TMEM135: variants seen among roughly 807,000 people sequenced by gnomAD.
TMEM135 encodes peroxisomal membrane protein 52.
Under a neutral mutation model 60.3 loss-of-function variants are expected in TMEM135, and 30 were observed. The ratio of observed to expected loss-of-function variants is 0.50; its 90% CI spans 0.37 to 0.68. The LOEUF is 0.68. Among genes scored for constraint, TMEM135 ranks in the 30% least tolerant of loss-of-function variants. The pLI is 0.00. For missense variants in TMEM135, 468 were observed against 548.8 expected, an observed-to-expected ratio of 0.85 and a Z score of 1.47; for synonymous variants, 190 against 186.7, an observed-to-expected ratio of 1.02 and a Z score of -0.14.
At chr11:87,249,388 CATTG>C (rs1342510302) in intron 6 of TMEM135, among the ~76,000 whole-genome samples, 1 of 151,854 alleles carries the variant, frequency 6.6e-6, no homozygotes, top group Admixed American at 6.6e-5. Context: ...TGATGTATCA[CATTG>C]ATTGATTTAT....
At chr11:87,042,679 G>A (rs1268432978) in intron 1 of TMEM135, among the ~76,000 whole-genome samples, 3 of 152,104 alleles carry the variant, frequency 2.0e-5, no homozygotes, top group Non-Finnish European at 2.9e-5. Flanking sequence ...CCTATAAAAT[G>A]GGTCTTATGT....
intron 6 of TMEM135, among the ~76,000 whole-genome samples, chr11:87,245,187 C>CT (rs1941237247): frequency 6.6e-6 from 1 of 151,186 alleles, no homozygotes; most frequent in African/African-American, 2.4e-5. Flanking sequence ...ATCCTGAGTT[C>CT]TAATTTGATT....
intron 10 of TMEM135, among the ~76,000 whole-genome samples, chr11:87,312,243 A>G (rs1942652009): frequency 7.4e-6 from 1 of 134,374 alleles, no homozygotes; most frequent in African/African-American, 2.8e-5. Context: ...TAGCTTCACT[A>G]TTGCCTTATT....
intron 4 of TMEM135, among the ~76,000 whole-genome samples, chr11:87,120,105 T>TCG (rs57083711): frequency 0.33 from 45,812 of 138,876 alleles, 8,343 homozygotes; most frequent in East Asian, 0.61. Flanking sequence ...GTCTGTTTTT[T>TCG]TCTTCTTCTT....
At chr11:87,316,115 G>A (rs912518107) in intron 12 of TMEM135, among the ~76,000 whole-genome samples, 6 of 151,986 alleles carry the variant, frequency 3.9e-5, no homozygotes, top group African/African-American at 1.4e-4. Context: ...GCTAGTTACT[G>A]ATTCTTGGCT....
Position 87,305,892 on chromosome 11 carries a change from C to T in TMEM135, c.699-44C>T, listed in dbSNP as rs1942534071. 7 of 1,471,034 alleles carry T rather than the reference C, an allele frequency of 4.8e-6. No homozygotes were observed. The East Asian group carries it at 1.6e-4, about 34-fold the overall frequency. 91.1% of individuals were successfully genotyped at this position (1,471,034 alleles called of 1,614,324 possible). A position where few individuals can be genotyped will look rare whatever the true frequency, so the allele number is the denominator to read the frequency against. ...ACATGTACAAACACATGGATATACA[C>T]ACTTTAATTATAATTAGTTTAATTT... On this transcript the variant is annotated intron_variant, in intron 8 of 14. Coordinates refer to ENST00000305494, the MANE Select transcript of TMEM135 (RefSeq NM_022918.4).
At chr11:87,278,816 AT>A (rs34637031) in intron 6 of TMEM135, among the ~76,000 whole-genome samples, 89,875 of 151,740 alleles carry the variant, frequency 0.59, 26,816 homozygotes, top group African/African-American at 0.63. Context: ...ATTCTTTAAA[AT>A]TTCTTTTGTG....
At chr11:87,246,027 A>G (rs372093991) in intron 6 of TMEM135, among the ~76,000 whole-genome samples, 3 of 143,986 alleles carry the variant, frequency 2.1e-5, no homozygotes, top group South Asian at 2.3e-4. Context: ...TCCTTCAGGA[A>G]CTCTTTTAGG....
At position 87,307,380 on chromosome 11, in the gene TMEM135, CA is replaced by C. The variant is rs5793247; in HGVS notation, c.768+1390del. Among the ~76,000 whole-genome samples the C allele has an allele frequency of 3.2e-3, 435 of 137,860 alleles. 2 individuals carry two copies. The highest frequency in any genetic ancestry group is 8.5e-3 in the African/African-American group (320 of 37,712). 90.4% of individuals were successfully genotyped at this position (137,860 alleles called of 152,430 possible). A position where few individuals can be genotyped will look rare whatever the true frequency, so the allele number is the denominator to read the frequency against. ...ATTTCCTGCCTCAGTTTAAAGTGGCCAAAAAAAAAAAAAAAGTAACATTGCT... is the reference window on the plus strand; with the variant it reads ...ATTTCCTGCCTCAGTTTAAAGTGGCCAAAAAAAAAAAAAAGTAACATTGCT... On this transcript the variant is annotated intron_variant, in intron 9 of 14. Coordinates refer to ENST00000305494, the MANE Select transcript of TMEM135 (RefSeq NM_022918.4).
chr11:87,236,515 G>C, intron 5 of TMEM135, 123 bp from the exon 6 acceptor site: 1 of 818,666 alleles, frequency 1.2e-6, no homozygotes, highest in East Asian at 2.5e-5. Context: ...AAATGTGTGT[G>C]ACTGGTTTGT....
rs577465745 is a variant in TMEM135, at chr11:87,167,937, C to T, written c.462+10531C>T. On this transcript the variant is annotated intron_variant, in intron 5 of 14. Coordinates refer to ENST00000305494, the MANE Select transcript of TMEM135 (RefSeq NM_022918.4). ...GAATTCAGGTGTGAATCTGTCAGGT[C>T]CTGGGCTTTTTTTGGGTGGCAGGCT... Among the ~76,000 whole-genome samples, 3 of 152,106 alleles carry T rather than the reference C, an allele frequency of 2.0e-5. No homozygotes were observed. In the South Asian group the frequency reaches 6.2e-4, roughly 32 times the overall value.
chr11:87,070,194 C>A (rs939568371), intron 2 of TMEM135, among the ~76,000 whole-genome samples: 1 of 151,866 alleles, frequency 6.6e-6, no homozygotes, highest in Non-Finnish European at 1.5e-5. Flanking sequence ...AAGCTTTATT[C>A]TTATATATAT....
intron 5 of TMEM135, among the ~76,000 whole-genome samples, chr11:87,158,582 C>T (rs968945098): frequency 1.3e-5 from 2 of 151,730 alleles, no homozygotes; most frequent in Admixed American, 1.3e-4. Flanking sequence ...CTGCCTCAGC[C>T]TCCCAAGTAG....
chr11:87,080,897 G>A (rs1856977344), intron 3 of TMEM135, among the ~76,000 whole-genome samples: 3 of 151,932 alleles, frequency 2.0e-5, no homozygotes, highest in South Asian at 4.2e-4. Context: ...TGTTGGCCAG[G>A]CTGGTCTCAA....
At chr11:87,272,700 A>G (rs1941893415) in intron 6 of TMEM135, among the ~76,000 whole-genome samples, 1 of 152,022 alleles carries the variant, frequency 6.6e-6, no homozygotes, top group East Asian at 1.9e-4. Context: ...GGGCTCAAGC[A>G]ATTCTCCTGT....
intron 5 of TMEM135, among the ~76,000 whole-genome samples, chr11:87,192,104 C>T (rs1247736573): frequency 2.7e-5 from 4 of 150,252 alleles, no homozygotes; most frequent in Admixed American, 6.6e-5. Flanking sequence ...GCCTCAGCCT[C>T]CCGAGTAGCT....
chr11:87,072,920 C>A (rs1856798057), intron 3 of TMEM135, among the ~76,000 whole-genome samples: 1 of 152,228 alleles, frequency 6.6e-6, no homozygotes, highest in Non-Finnish European at 1.5e-5. Context: ...AAGAAAGGAT[C>A]ATGTACTGAA....
chr11:87,259,083 G>T, intron 6 of TMEM135: 1 of 1,159,682 alleles, frequency 8.6e-7, no homozygotes, highest in Non-Finnish European at 1.3e-6. Flanking sequence ...GAAAGAAGAG[G>T]TTCTGGCCGC....
At chr11:87,220,284 G>T (rs1472636196) in intron 5 of TMEM135, among the ~76,000 whole-genome samples, 1 of 152,160 alleles carries the variant, frequency 6.6e-6, no homozygotes, top group South Asian at 2.1e-4. Flanking sequence ...GAATTTCCAT[G>T]TGAAGATTTT....
Sources: allele counts gnomAD v4.1 joint callset (sites outside exome capture counted in the v4.1 genomes callset), GRCh38; gene constraint gnomAD v4.1.1; transcripts MANE v1.5; gene names NCBI Gene and HGNC (gene_info 2026-07-23, HGNC 2026-07-21).